Variants in XRCC4 observed in about 807,000 individuals in gnomAD.
XRCC4 encodes DNA repair protein XRCC4.
XRCC4 carries 28 observed loss-of-function variants against 39.1 expected under a neutral mutation model. The ratio of observed to expected loss-of-function variants is 0.72; its 90% CI spans 0.53 to 0.98. The LOEUF (loss-of-function observed/expected upper bound fraction) is 0.98, where lower values mean the gene tolerates loss of function less well. Among genes scored for constraint, XRCC4 ranks in the 50% least tolerant of loss-of-function variants. The pLI, the probability that XRCC4 is intolerant of heterozygous loss-of-function variation, is 0.00. For synonymous variants in XRCC4, 123 were observed against 126.4 expected, an observed-to-expected ratio of 0.97 and a Z score of 0.18; for missense variants, 350 against 376.4, an observed-to-expected ratio of 0.93 and a Z score of 0.58.
At chr5:83,277,742 C>T (rs1754385103) in intron 7 of XRCC4, among the ~76,000 whole-genome samples, 1 of 152,166 alleles carries the variant, frequency 6.6e-6, no homozygotes, top group Non-Finnish European at 1.5e-5. Context: ...TACCTTGTTA[C>T]AAATTTACAA....
intron 3 of XRCC4, among the ~76,000 whole-genome samples, chr5:83,190,851 T>C (rs980123064): frequency 6.6e-6 from 1 of 152,204 alleles, no homozygotes; most frequent in Non-Finnish European, 1.5e-5. Context: ...TATGATAGCA[T>C]TAAGTGCTAT....
intron 3 of XRCC4, among the ~76,000 whole-genome samples, chr5:83,183,412 T>TTGTG (rs369446374): frequency 0.15 from 20,359 of 139,100 alleles, 1,586 homozygotes; most frequent in Middle Eastern, 0.22. Context: ...TTTCATTTAT[T>TTGTG]TGTGTGTGTG....
At chr5:83,362,313 A>C in the XRCC4 span, among the ~76,000 whole-genome samples, 2 of 151,296 alleles carry the variant, frequency 1.3e-5, no homozygotes, top group Non-Finnish European at 2.9e-5. Flanking sequence ...AAAAAAAAAA[A>C]AAAAACTATC....
intron 3 of XRCC4, among the ~76,000 whole-genome samples, chr5:83,140,431 T>A (rs1296277125): frequency 6.6e-6 from 1 of 152,128 alleles, no homozygotes; most frequent in Non-Finnish European, 1.5e-5. Flanking sequence ...TTATCCCACC[T>A]TTCTCGCCTG....
chr5:83,270,120 C>G (rs1243019860), intron 7 of XRCC4, among the ~76,000 whole-genome samples: 1 of 152,108 alleles, frequency 6.6e-6, no homozygotes, highest in Non-Finnish European at 1.5e-5. Context: ...ATGCACAGTT[C>G]ACAATAGGAT....
chr5:83,139,256 C>T (rs1367297613), intron 3 of XRCC4, among the ~76,000 whole-genome samples: 24 of 152,104 alleles, frequency 1.6e-4, no homozygotes, highest in Non-Finnish European at 3.5e-4. Context: ...GGACGTCCTT[C>T]ACTTTGGATT....
At chr5:83,105,369 C>A (rs1026906392) in intron 2 of XRCC4, among the ~76,000 whole-genome samples, 1 of 151,960 alleles carries the variant, frequency 6.6e-6, no homozygotes, top group Non-Finnish European at 1.5e-5. Context: ...TCTCAGGACC[C>A]CAGGGAAGAA....
intron 6 of XRCC4, among the ~76,000 whole-genome samples, chr5:83,226,054 CTCT>C (rs1026281458): frequency 3.2e-4 from 48 of 151,964 alleles, no homozygotes; most frequent in African/African-American, 1.1e-3. Flanking sequence ...TTTTTAAAGC[CTCT>C]TCTTTGTACC....
intron 3 of XRCC4, among the ~76,000 whole-genome samples, chr5:83,180,868 C>G (rs1750172796): frequency 6.6e-6 from 1 of 152,016 alleles, no homozygotes; most frequent in South Asian, 2.1e-4. Context: ...AGCAAATAAC[C>G]TAAAAGTAGA....
chr5:83,345,578 ATCTC>A, intron 7 of XRCC4, among the ~76,000 whole-genome samples: 1 of 152,238 alleles, frequency 6.6e-6, no homozygotes, highest in South Asian at 2.1e-4. Flanking sequence ...ATTTTCCCAG[ATCTC>A]TCTGTTTGCA....
At chr5:83,302,847 G>A (rs891914360) in intron 7 of XRCC4, among the ~76,000 whole-genome samples, 14 of 152,128 alleles carry the variant, frequency 9.2e-5, no homozygotes, top group Admixed American at 8.5e-4. Flanking sequence ...AATTCAATGG[G>A]ATAGTTAATA....
intron 3 of XRCC4, among the ~76,000 whole-genome samples, chr5:83,113,698 C>T (rs1746560417): frequency 6.6e-6 from 1 of 151,968 alleles, no homozygotes; most frequent in South Asian, 2.1e-4. Context: ...TCCATCTCCA[C>T]TCACTGCAAG....
intron 3 of XRCC4, among the ~76,000 whole-genome samples, chr5:83,195,210 T>C (rs1750888674): frequency 6.6e-6 from 1 of 152,102 alleles, no homozygotes; most frequent in African/African-American, 2.4e-5. Context: ...TATGCAAAAG[T>C]ACTAAAGCTT....
chr5:83,199,680 T>C (rs1440913475), intron 4 of XRCC4, among the ~76,000 whole-genome samples: 1 of 152,134 alleles, frequency 6.6e-6, no homozygotes, highest in Admixed American at 6.5e-5. Flanking sequence ...TGTTTTGACA[T>C]GTTATTCTTA....
chr5:83,181,524 T>C (rs1750205952), intron 3 of XRCC4, among the ~76,000 whole-genome samples: 1 of 152,170 alleles, frequency 6.6e-6, no homozygotes, highest in African/African-American at 2.4e-5. Flanking sequence ...CTTGTTACTT[T>C]GGAGTGATAT....
At chr5:83,179,009 T>C (rs1387504446) in intron 3 of XRCC4, among the ~76,000 whole-genome samples, 1 of 152,206 alleles carries the variant, frequency 6.6e-6, no homozygotes, top group Non-Finnish European at 1.5e-5. Flanking sequence ...AGTCTCAGGT[T>C]GATACCGGTT....
intron 7 of XRCC4, chr5:83,310,962 G>C (rs28360298): frequency 2.4e-6 from 1 of 410,968 alleles, no homozygotes; most frequent in Non-Finnish European, 4.9e-6. Context: ...TCGAGCCTCC[G>C]GAGGGAGTGT....
rs1757151645 is a variant in XRCC4, at chr5:83,353,632, G to C, written c.*390G>C. On this transcript the variant is annotated 3_prime_UTR_variant, in exon 8 of 8. Coordinates refer to ENST00000396027, the MANE Select transcript of XRCC4 (RefSeq NM_003401.5). ...AAATGTCTTCAGCTTTTTTTGAATA[G>C]ACGTATTCAAACATATTCTGAACAT... 6.5e-6 allele frequency: 1 copy of C among 153,954 alleles called. No homozygotes were observed. 9.5% of individuals were successfully genotyped at this position (153,954 alleles called of 1,614,324 possible).
At position 83,192,318 on chromosome 5, in the gene XRCC4, TA is replaced by T. The variant is rs771010187; in HGVS notation, c.316-3451del. On this transcript the variant is annotated intron_variant, in intron 3 of 7. Coordinates refer to ENST00000396027, the MANE Select transcript of XRCC4 (RefSeq NM_003401.5). The stretch of plus-strand genomic sequence containing the variant: ...TATACGTATATATAATATATATATA[TA>T]TTTTTTTGAGACGGAGTCTTGCTCT... Among the ~76,000 whole-genome samples, 60 of 115,306 alleles carry T rather than the reference TA, an allele frequency of 5.2e-4. 1 individual carries two copies. The highest frequency in any genetic ancestry group is 8.9e-4 in the Non-Finnish European group (48 of 54,074). 75.6% of individuals were successfully genotyped at this position (115,306 alleles called of 152,430 possible).
Sources: allele counts gnomAD v4.1 joint callset (sites outside exome capture counted in the v4.1 genomes callset), GRCh38; gene constraint gnomAD v4.1.1; transcripts MANE v1.5; gene names NCBI Gene and HGNC (gene_info 2026-07-23, HGNC 2026-07-21).